Variants in CNRIP1 observed in about 807,000 individuals in gnomAD.
The protein encoded by CNRIP1 is cannabinoid receptor interacting protein 1, also known as CB1 cannabinoid receptor-interacting protein 1.
Under a neutral mutation model 15.2 loss-of-function variants are expected in CNRIP1, and 10 were observed. The ratio of observed to expected loss-of-function variants is 0.66; its 90% CI spans 0.41 to 1.12. The LOEUF is 1.12. CNRIP1 is among the 50% of genes most tolerant of loss of function. CNRIP1 has a pLI of 0.00. For synonymous variants in CNRIP1, 91 were observed against 83.2 expected (o/e 1.09, Z -0.51); for missense variants, 211 against 214.7 (o/e 0.98, Z 0.11).
intron 2 of CNRIP1, among the ~76,000 whole-genome samples, chr2:68,299,141 T>C (rs1671502890): frequency 6.6e-6 from 1 of 152,194 alleles, no homozygotes; most frequent in East Asian, 1.9e-4. Flanking sequence ...CAGCCAATGA[T>C]AGGAGCAGGA....
At chr2:68,284,411 C>A in exon 3 of CNRIP1, 4 of 1,470,718 alleles carry the variant, frequency 2.7e-6, no homozygotes, top group Admixed American at 2.6e-5. Context: ...CATGATGGCA[C>A]ACATTGAAGA....
chr2:68,285,134 G>T (rs1401187284), intron 2 of CNRIP1, among the ~76,000 whole-genome samples: 1 of 152,146 alleles, frequency 6.6e-6, no homozygotes, highest in Non-Finnish European at 1.5e-5. Flanking sequence ...CTCAAGAGCA[G>T]CTCCTGGGGC....
chr2:68,302,330 C>T (rs1671640861), intron 2 of CNRIP1, among the ~76,000 whole-genome samples: 2 of 152,178 alleles, frequency 1.3e-5, no homozygotes, highest in South Asian at 4.1e-4. Context: ...TCATTACCAC[C>T]TCATATACCT....
chr2:68,314,010 T>C (rs1672186062), intron 2 of CNRIP1, among the ~76,000 whole-genome samples: 1 of 152,098 alleles, frequency 6.6e-6, no homozygotes, highest in African/African-American at 2.4e-5. Flanking sequence ...GCTCTTTCTT[T>C]CCTCAACTCT....
intron 2 of CNRIP1, among the ~76,000 whole-genome samples, chr2:68,310,710 A>AT (rs149789905): frequency 0.32 from 36,934 of 116,830 alleles, 5,362 homozygotes; most frequent in East Asian, 0.66. Context: ...TGTGACCCAT[A>AT]TTAAAAAAAA....
At chr2:68,309,808 G>A (rs1052721892) in intron 2 of CNRIP1, among the ~76,000 whole-genome samples, 1 of 152,168 alleles carries the variant, frequency 6.6e-6, no homozygotes. Flanking sequence ...TATAAACTCT[G>A]CTGTAATCCC....
chr2:68,308,922 G>A (rs1483977767), intron 2 of CNRIP1, among the ~76,000 whole-genome samples: 14 of 151,534 alleles, frequency 9.2e-5, no homozygotes, highest in African/African-American at 2.7e-4. Context: ...AAAACAGTCC[G>A]AAAAAGGAGT....
intron 2 of CNRIP1, among the ~76,000 whole-genome samples, chr2:68,311,525 GC>G: frequency 1.3e-5 from 2 of 152,230 alleles, no homozygotes; most frequent in South Asian, 4.1e-4. Context: ...TGTAATCTGA[GC>G]CCTTTGAGAG....
At chr2:68,285,668 AAAAAGAAAAG>A (rs1553413238) in intron 2 of CNRIP1, among the ~76,000 whole-genome samples, 11 of 124,458 alleles carry the variant, frequency 8.8e-5, no homozygotes, top group Admixed American at 4.6e-4. Flanking sequence ...AAAAAAAAAA[AAAAAGAAAAG>A]AAAAGAAAAG....
Position 68,308,148 on chromosome 2 carries a change from A to G in CNRIP1, c.330+9009T>C, listed in dbSNP as rs943569579. The stretch of plus-strand genomic sequence containing the variant: ...TTTGAGGTTACAATGAGCTATGATC[A>G]TGCCACTGCACTCTAGCCTGGGTTA... On this transcript the variant is annotated intron_variant, in intron 2 of 2. Transcript: ENST00000263655. 2.0e-5 allele frequency among the ~76,000 whole-genome samples: 3 copies of G among 152,240 alleles called. No homozygotes were observed. The South Asian group carries it at 6.2e-4, about 32-fold the overall frequency.
rs2103701881 is a variant in CNRIP1 at position 68,319,240 on chromosome 2, G to A, written c.161C>T (p.Pro54Leu). Residue 54 changes from proline to leucine, a missense_variant, in exon 1 of 3, where the codon CCC becomes CTC. Physicochemically the swap from Pro to Leu is moderately conservative, Grantham distance 98 (BLOSUM62 -3). Coordinates refer to ENST00000263655, the MANE Select transcript of CNRIP1 (RefSeq NM_015463.3). ...SSYKVEVKIK[P>L]STLQVENISI... is the part of the protein sequence containing the mutation. Reference sequence around the variant, plus strand: ...CACTCACTCGACCTGCAGCGTGCTGGGTTTAATCTTCACCTCAACCTTGTA... The same window carrying A: ...CACTCACTCGACCTGCAGCGTGCTGAGTTTAATCTTCACCTCAACCTTGTA... 6.5e-7 allele frequency: 1 copy of A among 1,548,806 alleles called. No homozygotes were observed. The highest frequency in any genetic ancestry group is 1.2e-5 in the South Asian group (1 of 83,930).
intron 2 of CNRIP1, among the ~76,000 whole-genome samples, chr2:68,304,143 C>T (rs1167368194): frequency 1.3e-5 from 2 of 151,302 alleles, no homozygotes; most frequent in Non-Finnish European, 2.9e-5. Flanking sequence ...AATCCCAGCA[C>T]TTTGGGATGC....
intron 2 of CNRIP1, among the ~76,000 whole-genome samples, chr2:68,311,502 G>A (rs1426006395): frequency 2.6e-5 from 4 of 152,118 alleles, no homozygotes; most frequent in Middle Eastern, 3.4e-3. Context: ...GGTCGGGCGC[G>A]GCAGCTCATA....
chr2:68,287,963 T>G (rs1372831992), intron 2 of CNRIP1, among the ~76,000 whole-genome samples: 1 of 152,214 alleles, frequency 6.6e-6, no homozygotes, highest in East Asian at 1.9e-4. Flanking sequence ...TTTTTCTTTC[T>G]CATCCACTTT....
At chr2:68,295,674 T>C (rs1270551661) in intron 2 of CNRIP1, among the ~76,000 whole-genome samples, 1 of 152,148 alleles carries the variant, frequency 6.6e-6, no homozygotes, top group Non-Finnish European at 1.5e-5. Flanking sequence ...TCCATCTATA[T>C]AGTGACAGAA....
intron 2 of CNRIP1, among the ~76,000 whole-genome samples, chr2:68,310,802 G>C (rs1218594938): frequency 6.6e-6 from 1 of 151,408 alleles, no homozygotes; most frequent in East Asian, 1.9e-4. Flanking sequence ...AATTACAAAT[G>C]TGCTCAGATA....
rs554574290 is a variant in CNRIP1, at chr2:68,295,156, G to C, written c.331-1130C>G. The stretch of plus-strand genomic sequence containing the variant: ...CTGACTTGGCAGGACTCTTAGACTT[G>C]TCTGGAGCCAGAAGACGTGGACAGA... On this transcript the variant is annotated intron_variant, in intron 2 of 2. Transcript: ENST00000263655. Among the ~76,000 whole-genome samples, 5 of 152,316 alleles carry C rather than the reference G, an allele frequency of 3.3e-5. 1 individual carries two copies. In the South Asian group the frequency reaches 6.2e-4, roughly 19 times the overall value.
downstream of CNRIP1, among the ~76,000 whole-genome samples, chr2:68,292,240 A>C (rs1671191954): frequency 6.6e-6 from 1 of 151,980 alleles, no homozygotes; most frequent in South Asian, 2.1e-4. Flanking sequence ...AAAACAAAAA[A>C]ACAAACAAAA....
chr2:68,308,990 A>C (rs1232855360), intron 2 of CNRIP1, among the ~76,000 whole-genome samples: 1 of 152,216 alleles, frequency 6.6e-6, no homozygotes, highest in Admixed American at 6.5e-5. Context: ...GAAGAAAAAA[A>C]AGTTAAAAAG....
Sources: gnomAD v4.1 joint callset for allele counts (sites outside exome capture counted in the v4.1 genomes callset) on GRCh38, gnomAD v4.1.1 for gene constraint, MANE v1.5 for transcripts, NCBI Gene and HGNC (gene_info 2026-07-23, HGNC 2026-07-21) for gene names.